The following FRAS1 variants were observed in gnomAD, a reference collection of about 807,000 sequenced individuals.
FRAS1 encodes extracellular matrix organizing protein FRAS1.
FRAS1 carries 290 observed loss-of-function variants against 435.2 expected under a neutral mutation model. The observed-to-expected ratio is 0.67, with a 90% CI of 0.61 to 0.73. The LOEUF is 0.73. Ranked by LOEUF, FRAS1 falls within the 30% of genes least tolerant of loss-of-function variation. The pLI, the probability that FRAS1 is intolerant of heterozygous loss-of-function variation, is 0.00. For missense variants in FRAS1, 4,860 were observed against 5,001.5 expected (o/e 0.97, Z 0.85); for synonymous variants, 1,800 against 1,851.0 (o/e 0.97, Z 0.71).
intron 49 of FRAS1, among the ~76,000 whole-genome samples, chr4:78,465,772 A>T (rs1719509064): frequency 6.6e-6 from 1 of 152,226 alleles, no homozygotes; most frequent in Non-Finnish European, 1.5e-5. Flanking sequence ...GAAGGATTTT[A>T]TGCCTCTTTT....
rs995179103 is a variant in FRAS1, at chr4:78,455,606, G to A, written c.6763+3252G>A. Among the ~76,000 whole-genome samples, 24 of 152,178 alleles carry A rather than the reference G, an allele frequency of 1.6e-4. 1 individual carries two copies. The highest frequency in any genetic ancestry group is 5.3e-4 in the African/African-American group (22 of 41,452). ...ACTTATTTTCATGCTGTCTTGCTTG[G>A]TCAGCTGATTATAATTGATTGTCCT... On this transcript the variant is annotated intron_variant, in intron 47 of 73. Coordinates refer to ENST00000512123, the MANE Select transcript of FRAS1 (RefSeq NM_025074.7).
chr4:78,312,111 ATAAAT>A (rs948746052), intron 15 of FRAS1, among the ~76,000 whole-genome samples: 1 of 150,514 alleles, frequency 6.6e-6, no homozygotes, highest in African/African-American at 2.4e-5. Context: ...AGGTTCAAAA[ATAAAT>A]TAATCTCTCT....
At chr4:78,513,923 G>C (rs919571524) in intron 65 of FRAS1, among the ~76,000 whole-genome samples, 2 of 152,222 alleles carry the variant, frequency 1.3e-5, no homozygotes, top group Non-Finnish European at 2.9e-5. Context: ...CCCTTAGAGT[G>C]AGCATGTTTA....
intron 23 of FRAS1, among the ~76,000 whole-genome samples, chr4:78,370,528 G>T (rs1578279727): frequency 6.6e-6 from 1 of 152,128 alleles, no homozygotes; most frequent in East Asian, 1.9e-4. Flanking sequence ...GATCTCTTCA[G>T]TTCAGCAGTC....
intron 2 of FRAS1, among the ~76,000 whole-genome samples, chr4:78,118,424 C>A (rs1238970197): frequency 6.6e-6 from 1 of 152,168 alleles, no homozygotes; most frequent in Non-Finnish European, 1.5e-5. Flanking sequence ...ATGACCTGCC[C>A]CCAGAGGTGG....
chr4:78,414,636 A>G (rs1733479623), intron 32 of FRAS1, among the ~76,000 whole-genome samples: 1 of 152,196 alleles, frequency 6.6e-6, no homozygotes, highest in Admixed American at 6.5e-5. Flanking sequence ...TATTTGGTAA[A>G]TATATTGTGA....
intron 37 of FRAS1, 110 bp from the exon 38 acceptor site, chr4:78,432,247 C>T (rs965814925): frequency 3.7e-6 from 4 of 1,088,338 alleles, no homozygotes; most frequent in Non-Finnish European, 5.0e-6. Context: ...CTGTAACTCC[C>T]TGAGTTATGA....
At chr4:78,434,869 T>C (rs1734354714) in intron 38 of FRAS1, among the ~76,000 whole-genome samples, 1 of 152,132 alleles carries the variant, frequency 6.6e-6, no homozygotes, top group East Asian at 1.9e-4. Context: ...TAACATTTAA[T>C]TGACAGATGT....
chr4:78,457,215 C>T (rs1001597889), intron 47 of FRAS1, among the ~76,000 whole-genome samples: 1 of 152,150 alleles, frequency 6.6e-6, no homozygotes, highest in African/African-American at 2.4e-5. Context: ...AATTGCTTTC[C>T]TCCCACTGTG....
Position 78,511,509 on chromosome 4 carries a change from C to A in FRAS1, c.10013+3C>A. 6.2e-7 allele frequency: 1 copy of A among 1,608,224 alleles called. No homozygotes were observed. Among genetic ancestry groups the A allele is most frequent in the Non-Finnish European group, 8.5e-7 (1 of 1,175,740 alleles). On this transcript the variant is annotated splice_donor_region_variant and intron_variant, in intron 64 of 73. Coordinates refer to ENST00000512123, the MANE Select transcript of FRAS1 (RefSeq NM_025074.7). Reference sequence around the variant, plus strand: ...AAACATAAGGAGCATCCGAACAGGTCAGGCAGGTGGTGCCTTCCACCACAC... The same window carrying A: ...AAACATAAGGAGCATCCGAACAGGTAAGGCAGGTGGTGCCTTCCACCACAC...
chr4:78,461,972 G>A (rs1434177438), intron 47 of FRAS1, among the ~76,000 whole-genome samples: 1 of 152,216 alleles, frequency 6.6e-6, no homozygotes, highest in African/African-American at 2.4e-5. Flanking sequence ...GGAAAGGGAA[G>A]GATGGAAGGG....
At chr4:78,304,341 G>C (rs1049058803) in intron 14 of FRAS1, among the ~76,000 whole-genome samples, 2 of 152,158 alleles carry the variant, frequency 1.3e-5, no homozygotes, top group Non-Finnish European at 2.9e-5. Flanking sequence ...TCTCTGCCAG[G>C]CTTTAGTATC....
chr4:78,121,420 C>A lies in FRAS1; in HGVS notation c.108+55404C>A, dbSNP rs72654655. Among the ~76,000 whole-genome samples the A allele has an allele frequency of 2.7e-3, 408 of 152,230 alleles. 3 individuals are homozygous for A. Among genetic ancestry groups the A allele is most frequent in the Admixed American group, 0.011 (166 of 15,288 alleles). On this transcript the variant is annotated intron_variant, in intron 2 of 73. Transcript: ENST00000512123. ...GGGGCCTCTGTAACCCAGTGAGAACCCTGATTAGGGTGAGGGGTGTTGGCA... is the reference window on the plus strand; with the variant it reads ...GGGGCCTCTGTAACCCAGTGAGAACACTGATTAGGGTGAGGGGTGTTGGCA...
rs984421080 is a variant in FRAS1 at position 78,542,028 on chromosome 4, C to T, written c.*904C>T. ...ACTTTCCTCCTACTCCGGTCTTTGC[C>T]CGTTCCTGTAACAGACAATCCCATG... is the stretch of plus-strand genomic sequence containing the variant. On this transcript the variant is annotated 3_prime_UTR_variant, in exon 74 of 74. Transcript: ENST00000512123. The T allele has an allele frequency of 6.6e-6, 1 of 152,204 alleles. No homozygotes were observed. Among genetic ancestry groups the T allele is most frequent in the Non-Finnish European group, 1.5e-5 (1 of 68,036 alleles). The allele number at this position is 152,204 out of a possible 1,614,324, so 9.4% of individuals were successfully genotyped here.
At chr4:78,445,927 T>C (rs1718808072) in intron 42 of FRAS1, 3 of 1,319,656 alleles carry the variant, frequency 2.3e-6, no homozygotes, top group South Asian at 2.7e-5. Flanking sequence ...CATTTCAGGA[T>C]TGAATTTATT....
intron 14 of FRAS1, among the ~76,000 whole-genome samples, chr4:78,306,239 G>C (rs1379311563): frequency 6.6e-6 from 1 of 151,672 alleles, no homozygotes; most frequent in Non-Finnish European, 1.5e-5. Context: ...TCCGCTGTTA[G>C]TCTGATGGGC....
intron 2 of FRAS1, among the ~76,000 whole-genome samples, chr4:78,095,143 A>G (rs902831626): frequency 6.6e-6 from 1 of 152,232 alleles, no homozygotes; most frequent in Non-Finnish European, 1.5e-5. Context: ...GACTGGATAA[A>G]TCTCTATTTT....
At chr4:78,403,384 T>C (rs2110348204) in intron 30 of FRAS1, among the ~76,000 whole-genome samples, 1 of 152,326 alleles carries the variant, frequency 6.6e-6, no homozygotes, top group African/African-American at 2.4e-5. Context: ...CCTATGAACA[T>C]GATCTTTCCG....
intron 47 of FRAS1, among the ~76,000 whole-genome samples, chr4:78,454,307 G>T (rs1316457825): frequency 6.6e-6 from 1 of 152,212 alleles, no homozygotes; most frequent in African/African-American, 2.4e-5. Flanking sequence ...GAATGAAGGG[G>T]AGACTTGGAA....
Sources: allele counts gnomAD v4.1 joint callset (sites outside exome capture counted in the v4.1 genomes callset), GRCh38; gene constraint gnomAD v4.1.1; transcripts MANE v1.5; gene names NCBI Gene and HGNC (gene_info 2026-07-23, HGNC 2026-07-21).